The following CAPN15 variants were observed in gnomAD, a reference collection of about 807,000 sequenced individuals.
CAPN15 encodes calpain-15.
In CAPN15, 53 loss-of-function variants were observed where a neutral mutation model predicts 97.9. The observed-to-expected ratio is 0.54, with a 90% confidence interval of 0.43 to 0.68. The LOEUF (loss-of-function observed/expected upper bound fraction) is 0.68. Among genes scored for constraint, CAPN15 ranks in the 30% least tolerant of loss-of-function variants. The pLI is 0.00. For synonymous variants in CAPN15, 922 were observed against 722.5 expected (o/e 1.28, Z -4.43); for missense variants, 1,592 against 1,589.8 (o/e 1.00, Z -0.02).
chr16:554,436 C>T lies in CAPN15; in HGVS notation c.*920C>T. The T allele has an allele frequency of 4.5e-6, 2 of 446,324 alleles. No individual in the cohort carries two copies. The highest frequency in any genetic ancestry group is 1.6e-5 in the South Asian group (1 of 63,900). The allele number at this position is 446,324 out of a possible 1,614,324, so 27.6% of individuals were successfully genotyped here. On this transcript the variant is annotated 3_prime_UTR_variant, in exon 14 of 14. Transcript: ENST00000219611. ...CCGGCAGGGGCTTCCGGGGCCTTTT[C>T]ACCTGGAGAAACATTCCCACTCCCC...
At chr16:540,062 GTTTA>G in intron 3 of CAPN15, 2 of 984,232 alleles carry the variant, frequency 2.0e-6, no homozygotes, top group Non-Finnish European at 2.4e-6. Context: ...CTCTCTGTCT[GTTTA>G]TTTTTGTTGT....
Position 549,512 on chromosome 16 carries a change from C to T in CAPN15, c.1842+41C>T, listed in dbSNP as rs371743936. ...GGGTGGGCACGGGCGGCAGGGGCAGCCTCTGACCCCAGCCCCGAAAACAAG... is the reference window on the plus strand; with the variant it reads ...GGGTGGGCACGGGCGGCAGGGGCAGTCTCTGACCCCAGCCCCGAAAACAAG... On this transcript the variant is annotated intron_variant, in intron 6 of 13. Transcript: ENST00000219611. The T allele has an allele frequency of 3.7e-5, 57 of 1,546,164 alleles. 1 individual carries two copies. In the Middle Eastern group the frequency reaches 1.5e-3, roughly 41 times the overall value.
rs1315065706 is a variant in CAPN15 at position 547,402 on chromosome 16, G to A, written c.564G>A (p.Val188=). Reference sequence around the variant, plus strand: ...AGGCCCTGGTGGTCCCGGAAGTGGTGGCCCCGGCCGGCTTCCACGTCGTGC... The same window carrying A: ...AGGCCCTGGTGGTCCCGGAAGTGGTAGCCCCGGCCGGCTTCCACGTCGTGC... ...PPEALVVPEV[V]APAGFHVVPA... Residue 188 remains valine, a synonymous_variant, in exon 4 of 14, where the codon GTG becomes GTA. Transcript: ENST00000219611. The A allele has an allele frequency of 1.3e-6, 2 of 1,564,882 alleles. No individual in the cohort carries two copies. The highest frequency in any genetic ancestry group is 1.7e-6 in the Non-Finnish European group (2 of 1,162,792).
At chr16:541,450 G>A (rs566476690) in intron 3 of CAPN15, among the ~76,000 whole-genome samples, 45 of 152,212 alleles carry the variant, frequency 3.0e-4, no homozygotes, top group Non-Finnish European at 5.6e-4. Flanking sequence ...CAAAGGCAGG[G>A]CCGGGGAGGG....
Position 543,765 on chromosome 16 carries a change from G to A in CAPN15, c.-22-3052G>A, listed in dbSNP as rs567420973. ...CGTGCATGCACAGGCGACCCCTGCC[G>A]TGCTCCGACGGAGGGCGCCGGGACT... is the stretch of plus-strand genomic sequence containing the variant. On this transcript the variant is annotated intron_variant, in intron 3 of 13. Transcript: ENST00000219611. Among the ~76,000 whole-genome samples the A allele has an allele frequency of 5.4e-4, 82 of 152,338 alleles. No homozygotes were observed. The East Asian group carries it at 7.7e-3, about 14-fold the overall frequency.
In CAPN15 at chr16:551,615, C is replaced by T; in HGVS notation, c.2296C>T (p.His766Tyr). The T allele has an allele frequency of 6.2e-7, 1 of 1,606,732 alleles. No individual in the cohort carries two copies. Among genetic ancestry groups the T allele is most frequent in the Non-Finnish European group, 8.5e-7 (1 of 1,178,508 alleles). ...GCACCTGCGTGGCGAGCTCATGCCG[C>T]ACGGCAGCAGTGAGGGTGTCTTCTG... ...PGHLRGELMP[H>Y]GSSEGVFWME... The change falls in exon 9 of 14, where the codon CAC (histidine) becomes TAC (tyrosine). Residue 766 changes from histidine to tyrosine, a missense_variant. Around this residue, in one of 3 missense-constraint regions of CAPN15, gnomAD observed 644 missense variants for 699.6 expected, o/e 0.92. Transcript: ENST00000219611.
intron 3 of CAPN15, among the ~76,000 whole-genome samples, chr16:544,574 TGA>T (rs1217254498): frequency 1.3e-5 from 2 of 152,076 alleles, no homozygotes; most frequent in African/African-American, 4.8e-5. Context: ...GAATTGGAGC[TGA>T]GTGTCGGCAA....
rs1236101518 is a variant in CAPN15, at chr16:547,094, G to C, written c.256G>C (p.Val86Leu). 1 of 1,588,362 alleles carries C rather than the reference G, an allele frequency of 6.3e-7. No individual in the cohort carries two copies. The highest frequency in any genetic ancestry group is 1.7e-4 in the Middle Eastern group (1 of 5,982). Residue 86 changes from valine (V) to leucine (L), a missense_variant, in exon 4 of 14, where the codon GTC becomes CTC. This residue lies in a region of CAPN15 where 883 missense variants were observed against 776.6 expected (regional missense o/e 1.14). Transcript: ENST00000219611. ...GAAFLPVLNG[V>L]LPKPPAILGE... Reference sequence around the variant, plus strand: ...TGCCTTCCTGCCAGTCCTCAACGGGGTCCTCCCCAAGCCACCCGCCATCCT... The same window carrying C: ...TGCCTTCCTGCCAGTCCTCAACGGGCTCCTCCCCAAGCCACCCGCCATCCT...
chr16:544,497 G>A (rs1166341644), intron 3 of CAPN15, among the ~76,000 whole-genome samples: 1 of 152,158 alleles, frequency 6.6e-6, no homozygotes, highest in Non-Finnish European at 1.5e-5. Flanking sequence ...TCCGGGTGCT[G>A]CTGTCCCGGC....
intron 3 of CAPN15, among the ~76,000 whole-genome samples, chr16:542,021 G>A (rs569401999): frequency 8.1e-5 from 12 of 148,698 alleles, no homozygotes; most frequent in Non-Finnish European, 1.8e-4. Context: ...GCCACAGGAC[G>A]TGGCTGGCTG....
chr16:546,137 G>A (rs1225205692), intron 3 of CAPN15, among the ~76,000 whole-genome samples: 1 of 152,270 alleles, frequency 6.6e-6, no homozygotes, highest in Non-Finnish European at 1.5e-5. Flanking sequence ...GCGGGGCTGA[G>A]CGCAGGGAAG....
chr16:532,190 G>A (rs1454897123), intron 1 of CAPN15, among the ~76,000 whole-genome samples: 10 of 141,992 alleles, frequency 7.0e-5, no homozygotes, highest in African/African-American at 7.9e-5. Flanking sequence ...CAGTTAGCCG[G>A]GATGGCACCA....
intron 7 of CAPN15, 131 bp from the exon 8 acceptor site, chr16:551,171 T>TC (rs1191175464): frequency 1.4e-5 from 17 of 1,236,758 alleles, no homozygotes; most frequent in African/African-American, 1.0e-4. Flanking sequence ...TCGGTGAGGG[T>TC]CCCGGTCGGT....
intron 3 of CAPN15, chr16:540,389 G>C (rs771573968): frequency 4.2e-5 from 41 of 982,998 alleles, no homozygotes; most frequent in Non-Finnish European, 4.7e-5. Context: ...GTGGGGAGGG[G>C]TGGCCCCGGA....
rs535269157 is a variant in CAPN15 at position 549,029 on chromosome 16, G to C, written c.1486G>C (p.Gly496Arg). ...CTTCGTGGATGACAGCTTCCCTCCC[G>C]GGCCCGAGTCTGTCGGCTTCCCCGC... is the stretch of plus-strand genomic sequence containing the variant. ...VSFVDDSFPP[G>R]PESVGFPAGD... Residue 496 changes from glycine to arginine, a missense_variant, in exon 5 of 14, where the codon GGG (glycine) becomes CGG (arginine). This residue lies in a region of CAPN15 where 883 missense variants were observed against 776.6 expected (regional missense o/e 1.14). Coordinates refer to ENST00000219611, the MANE Select transcript of CAPN15 (RefSeq NM_005632.3). The C allele has an allele frequency of 6.2e-7, 1 of 1,612,732 alleles. No individual in the cohort carries two copies. Among genetic ancestry groups the C allele is most frequent in the Admixed American group, 1.7e-5 (1 of 60,028 alleles).
intron 3 of CAPN15, among the ~76,000 whole-genome samples, chr16:544,518 C>T (rs1433360400): frequency 1.3e-5 from 2 of 152,114 alleles, no homozygotes; most frequent in Non-Finnish European, 2.9e-5. Context: ...TGCTTCAGGG[C>T]GGGCTCTGTC....
chr16:550,684 A>C (rs112437595), intron 7 of CAPN15, among the ~76,000 whole-genome samples: 3 of 42,166 alleles, frequency 7.1e-5, no homozygotes, highest in African/African-American at 1.1e-4. Flanking sequence ...GAGGGCCCCC[A>C]GTCGGTGAGG....
Position 548,252 on chromosome 16 carries a change from G to T in CAPN15, c.1414G>T (p.Ala472Ser). The stretch of plus-strand genomic sequence containing the variant: ...GCAGACAGACGAGGGCGAGGCCAAG[G>T]CACTCTGGGAGAACATCGTGGCCTT... The part of the protein sequence containing the change: ...RRQTDEGEAK[A>S]LWENIVAFCR... The change falls in exon 4 of 14, where the codon GCA becomes TCA. Residue 472 changes from alanine (A) to serine (S), a missense_variant. Ala to Ser is a moderately conservative substitution (Grantham distance 99). This residue lies in a region of CAPN15 where 883 missense variants were observed against 776.6 expected (regional missense o/e 1.14). Coordinates refer to ENST00000219611, the MANE Select transcript of CAPN15 (RefSeq NM_005632.3). 1 of 1,545,020 alleles carries T rather than the reference G, an allele frequency of 6.5e-7. No homozygotes were observed. Among genetic ancestry groups the T allele is most frequent in the Non-Finnish European group, 8.7e-7 (1 of 1,147,142 alleles).
chr16:553,249 A>ACTCCTG (rs2035241722), intron 13 of CAPN15, 90 bp from the exon 14 acceptor site: 2 of 688,122 alleles, frequency 2.9e-6, no homozygotes, highest in Middle Eastern at 3.2e-4. Context: ...TTGTCACCCC[A>ACTCCTG]CTCCTGCTCC....
Sources: gnomAD v4.1 joint callset for allele counts (sites outside exome capture counted in the v4.1 genomes callset) on GRCh38, gnomAD v4.1.1 for gene constraint, gnomAD v4.1.1 regional missense constraint, MANE v1.5 for transcripts, NCBI Gene and HGNC (gene_info 2026-07-23, HGNC 2026-07-21) for gene names.